Variants in PCDHA5 observed in about 807,000 individuals in gnomAD.
PCDHA5 encodes the protein protocadherin alpha 5.
In PCDHA5, 43 loss-of-function variants were observed where a neutral mutation model predicts 61.6. The observed-to-expected ratio is 0.70, with a 90% CI of 0.55 to 0.90. PCDHA5 has a LOEUF of 0.90. Ranked by LOEUF, PCDHA5 falls within the 40% of genes least tolerant of loss-of-function variation. The pLI, the probability that PCDHA5 is intolerant of heterozygous loss-of-function variation, is 0.00. For missense variants in PCDHA5, 1,298 were observed against 1,222.7 expected (o/e 1.06, Z -0.92); for synonymous variants, 627 against 543.9 (o/e 1.15, Z -2.13).
At chr5:140,947,996 T>C (rs185303145) in intron 1 of PCDHA5, among the ~76,000 whole-genome samples, 1 of 126,772 alleles carries the variant, frequency 7.9e-6, no homozygotes, top group Non-Finnish European at 1.7e-5. Context: ...CCAAATACTT[T>C]ATTAAATTTA....
At chr5:140,937,023 A>G (rs2091268625) in intron 1 of PCDHA5, among the ~76,000 whole-genome samples, 1 of 150,410 alleles carries the variant, frequency 6.6e-6, no homozygotes. Flanking sequence ...TTAACAAGGT[A>G]TATTCTTCCA....
intron 1 of PCDHA5, among the ~76,000 whole-genome samples, chr5:140,889,560 T>C (rs2062271183): frequency 6.6e-6 from 1 of 152,204 alleles, no homozygotes. Context: ...TCTTCAGAAT[T>C]CTGCTTTCTG....
intron 1 of PCDHA5, chr5:140,867,456 T>C (rs1035822606): frequency 1.3e-5 from 2 of 152,154 alleles, no homozygotes; most frequent in African/African-American, 4.8e-5. Context: ...AGAGTTCTAG[T>C]GTTATGACAA....
At chr5:140,836,382 G>T in intron 1 of PCDHA5, 1 of 1,613,752 alleles carries the variant, frequency 6.2e-7, no homozygotes, top group Non-Finnish European at 8.5e-7. Flanking sequence ...CACCGTGCTG[G>T]TGTCGCTGGT....
In PCDHA5 at chr5:140,856,011, C is replaced by G. The variant is rs782812320; in HGVS notation, c.2352+31884C>G. On this transcript the variant is annotated intron_variant, in intron 1 of 3. Transcript: ENST00000529859. Reference sequence around the variant, plus strand: ...GTCAGATCGTATGTGCGTTCTAGACCGCTGATTCGTCGATTTGTAAAACAA... The same window carrying G: ...GTCAGATCGTATGTGCGTTCTAGACGGCTGATTCGTCGATTTGTAAAACAA... The G allele has an allele frequency of 1.4e-5, 22 of 1,546,178 alleles. 1 individual carries two copies. The highest frequency in any genetic ancestry group is 1.7e-4 in the Middle Eastern group (1 of 5,742).
chr5:140,967,854 C>T (rs782783470), intron 1 of PCDHA5: 1 of 1,614,154 alleles, frequency 6.2e-7, no homozygotes, highest in South Asian at 1.1e-5. Flanking sequence ...GACAATGCCC[C>T]AGAGGTGGTG....
At chr5:140,894,259 T>A (rs2064392118) in intron 1 of PCDHA5, among the ~76,000 whole-genome samples, 1 of 152,106 alleles carries the variant, frequency 6.6e-6, no homozygotes. Context: ...TCTTTACAAG[T>A]GGTAGCTTAT....
rs139887265 is a variant in PCDHA5, at chr5:140,849,821, T to C, written c.2352+25694T>C. The C allele has an allele frequency of 1.1e-5, 18 of 1,598,172 alleles. 3 individuals carry two copies. Among genetic ancestry groups the C allele is most frequent in the African/African-American group, 4.0e-5 (3 of 74,350 alleles). ...CACTGTGGGCCACGGCCAGGGTGTCTGTGGAGGTGGCCGACGTGAACGACA... is the reference window on the plus strand; with the variant it reads ...CACTGTGGGCCACGGCCAGGGTGTCCGTGGAGGTGGCCGACGTGAACGACA... On this transcript the variant is annotated intron_variant, in intron 1 of 3. Transcript: ENST00000529859.
chr5:140,848,876 C>T (rs2150423222), intron 1 of PCDHA5: 4 of 1,590,940 alleles, frequency 2.5e-6, no homozygotes, highest in Admixed American at 1.7e-5. Context: ...AGGACATTAA[C>T]GACAACCCTC....
chr5:140,825,816 T>C (rs1372654901), intron 1 of PCDHA5: 1 of 152,478 alleles, frequency 6.6e-6, no homozygotes, highest in African/African-American at 2.4e-5. Flanking sequence ...TTGTTGTTAC[T>C]TTTAGATTAA....
intron 1 of PCDHA5, chr5:140,883,148 A>G (rs1554176918): frequency 5.0e-6 from 8 of 1,614,078 alleles, no homozygotes; most frequent in Non-Finnish European, 6.8e-6. Context: ...ATATGCATTT[A>G]CCATAAATCC....
chr5:140,863,444 G>A, intron 1 of PCDHA5: 4 of 585,532 alleles, frequency 6.8e-6, no homozygotes, highest in South Asian at 2.8e-5. Context: ...GGTCTTACTC[G>A]CAGCAAAGGA....
At chr5:140,837,492 T>A (rs1775076857) in intron 1 of PCDHA5, among the ~76,000 whole-genome samples, 1 of 140,282 alleles carries the variant, frequency 7.1e-6, no homozygotes, top group Non-Finnish European at 1.5e-5. Flanking sequence ...TTACTTTACC[T>A]TTCTGAATTT....
At chr5:140,863,166 G>T (rs782088342) in intron 1 of PCDHA5, 4 of 672,474 alleles carry the variant, frequency 5.9e-6, no homozygotes, top group African/African-American at 5.4e-5. Flanking sequence ...GCGAGCTGGC[G>T]CTGACTGCCA....
intron 1 of PCDHA5, chr5:140,830,224 G>A (rs2150182996): frequency 6.2e-7 from 1 of 1,613,900 alleles, no homozygotes; most frequent in Non-Finnish European, 8.5e-7. Flanking sequence ...CCAGCCTGCT[G>A]GTCCTCACGC....
intron 1 of PCDHA5, chr5:140,869,945 T>TC: frequency 6.2e-7 from 1 of 1,612,376 alleles, no homozygotes. Context: ...ACATACTCCT[T>TC]AATGTCAATT....
In PCDHA5 at chr5:140,883,789, C is replaced by T. The variant is rs782802452; in HGVS notation, c.2352+59662C>T. ...TGGGCGAGCGTGCGCTGTCGAGCTACGTGTCGGTGCACGCGGAGAGCGGCA... is the reference window on the plus strand; with the variant it reads ...TGGGCGAGCGTGCGCTGTCGAGCTATGTGTCGGTGCACGCGGAGAGCGGCA... On this transcript the variant is annotated intron_variant, in intron 1 of 3. Coordinates refer to ENST00000529859, the MANE Select transcript of PCDHA5 (RefSeq NM_018908.3). 1.4e-5 allele frequency: 22 copies of T among 1,612,296 alleles called. No homozygotes were observed. In the South Asian group the frequency reaches 2.0e-4, roughly 14 times the overall value.
intron 1 of PCDHA5, chr5:140,850,180 C>G: frequency 6.3e-7 from 1 of 1,593,798 alleles, no homozygotes; most frequent in African/African-American, 1.3e-5. Flanking sequence ...AACGACAATG[C>G]GCCGGCGCTG....
intron 1 of PCDHA5, chr5:140,968,106 C>A: frequency 6.2e-7 from 1 of 1,614,134 alleles, no homozygotes; most frequent in Non-Finnish European, 8.5e-7. Flanking sequence ...GGGGGAATAC[C>A]GCAGCTCACA....
Sources: allele counts gnomAD v4.1 joint callset (sites outside exome capture counted in the v4.1 genomes callset), GRCh38; gene constraint gnomAD v4.1.1; transcripts MANE v1.5; gene names NCBI Gene and HGNC (gene_info 2026-07-23, HGNC 2026-07-21).